MRPS28: variants seen among roughly 807,000 people sequenced by gnomAD.
MRPS28 encodes the protein mitochondrial ribosomal protein S28, also known as small ribosomal subunit protein bS1m.
A neutral mutation model predicts 10.8 loss-of-function variants in MRPS28; 7 were observed. That is an observed-to-expected ratio of 0.65 (90% CI 0.37 to 1.22). MRPS28 has a LOEUF of 1.22. Ranked by LOEUF, MRPS28 falls within the 50% of genes most tolerant of loss-of-function variation. The pLI is 0.02. For missense variants in MRPS28, 265 were observed against 232.9 expected, an observed-to-expected ratio of 1.14 and a Z score of -0.90; for synonymous variants, 121 against 93.3, an observed-to-expected ratio of 1.30 and a Z score of -1.71.
intron 2 of MRPS28, chr8:79,958,448 G>A (rs192532636): frequency 1.0e-4 from 66 of 651,940 alleles, no homozygotes; most frequent in Middle Eastern, 4.8e-4. Context: ...GAGTGAAGGA[G>A]AAAATGTTGA....
intron 1 of MRPS28, among the ~76,000 whole-genome samples, chr8:80,011,116 CTTTTT>C (rs902991084): frequency 1.4e-4 from 20 of 146,392 alleles, no homozygotes; most frequent in African/African-American, 5.1e-4. Context: ...GTAAGCCATT[CTTTTT>C]TTTTTATTTT....
chr8:79,949,047 G>C (rs371736439), intron 2 of MRPS28, among the ~76,000 whole-genome samples: 17 of 152,120 alleles, frequency 1.1e-4, no homozygotes, highest in Admixed American at 5.2e-4. Flanking sequence ...ATTATTCATA[G>C]AGTAAAAAAT....
At chr8:80,009,083 T>C (rs1008344604) in intron 1 of MRPS28, among the ~76,000 whole-genome samples, 6 of 152,090 alleles carry the variant, frequency 3.9e-5, no homozygotes, top group African/African-American at 7.2e-5. Flanking sequence ...CACCATGGAA[T>C]ACTATGCAGC....
At chr8:79,927,263 T>C (rs1810254266) in intron 2 of MRPS28, among the ~76,000 whole-genome samples, 1 of 152,192 alleles carries the variant, frequency 6.6e-6, no homozygotes. Flanking sequence ...CCAAAAGACG[T>C]AAGATTTTCA....
At chr8:79,964,410 A>G (rs1358367131) in intron 2 of MRPS28, among the ~76,000 whole-genome samples, 2 of 152,132 alleles carry the variant, frequency 1.3e-5, no homozygotes, top group Non-Finnish European at 2.9e-5. Context: ...CTGGCTTAAA[A>G]TGGTTTGCTT....
At chr8:80,008,106 A>C (rs1808913707) in intron 1 of MRPS28, among the ~76,000 whole-genome samples, 1 of 152,222 alleles carries the variant, frequency 6.6e-6, no homozygotes, top group Non-Finnish European at 1.5e-5. Context: ...TGGAGCCCTC[A>C]GAAATAAAGC....
chr8:79,964,436 A>C (rs1422434078), intron 2 of MRPS28, among the ~76,000 whole-genome samples: 1 of 152,212 alleles, frequency 6.6e-6, no homozygotes, highest in African/African-American at 2.4e-5. Context: ...TGGCCAAAAA[A>C]CCTAGTTAGA....
intron 2 of MRPS28, among the ~76,000 whole-genome samples, chr8:79,965,403 C>T (rs533065336): frequency 1.4e-4 from 22 of 152,148 alleles, no homozygotes; most frequent in Non-Finnish European, 3.1e-4. Flanking sequence ...CTAAGTAGTA[C>T]TATCCTTATT....
chr8:79,987,026 T>C (rs1310190336), intron 2 of MRPS28, among the ~76,000 whole-genome samples: 4 of 151,874 alleles, frequency 2.6e-5, no homozygotes, highest in African/African-American at 7.3e-5. Context: ...CTTCAAACTA[T>C]ACTACAAGGC....
intron 2 of MRPS28, among the ~76,000 whole-genome samples, chr8:79,945,127 T>G (rs1806874787): frequency 6.6e-6 from 1 of 152,148 alleles, no homozygotes. Flanking sequence ...ACATAAAACC[T>G]AAGTTTCAAT....
intron 2 of MRPS28, among the ~76,000 whole-genome samples, chr8:79,966,086 C>T (rs1807496382): frequency 6.6e-6 from 1 of 151,768 alleles, no homozygotes; most frequent in Non-Finnish European, 1.5e-5. Flanking sequence ...AAGAAAGAAA[C>T]ATAATGGTTA....
intron 1 of MRPS28, among the ~76,000 whole-genome samples, chr8:80,024,049 C>T (rs1050466013): frequency 8.5e-5 from 13 of 152,076 alleles, no homozygotes; most frequent in Admixed American, 3.3e-4. Context: ...GGCAATATGG[C>T]AAAACCCCAT....
At chr8:79,923,830 C>G (rs185667405) in intron 2 of MRPS28, among the ~76,000 whole-genome samples, 2 of 152,144 alleles carry the variant, frequency 1.3e-5, no homozygotes, top group African/African-American at 4.8e-5. Context: ...CTGCAGTAAA[C>G]GAGACTGCAT....
intron 2 of MRPS28, among the ~76,000 whole-genome samples, chr8:79,964,708 G>A (rs1807460523): frequency 1.3e-5 from 2 of 151,936 alleles, no homozygotes; most frequent in Non-Finnish European, 2.9e-5. Flanking sequence ...TACTTCATTG[G>A]AGGCTGTGAA....
At chr8:79,949,465 G>A (rs910694901) in intron 2 of MRPS28, among the ~76,000 whole-genome samples, 7 of 151,664 alleles carry the variant, frequency 4.6e-5, no homozygotes, top group Non-Finnish European at 1.0e-4. Context: ...CTGCTTTTGG[G>A]CGAAGCCTAG....
At chr8:79,935,831 G>A (rs984202227) in intron 2 of MRPS28, among the ~76,000 whole-genome samples, 1 of 151,850 alleles carries the variant, frequency 6.6e-6, no homozygotes, top group Non-Finnish European at 1.5e-5. Flanking sequence ...GACTTTTCTG[G>A]TATGTTTGCT....
chr8:79,951,712 T>C (rs1266873785), intron 2 of MRPS28, among the ~76,000 whole-genome samples: 1 of 152,210 alleles, frequency 6.6e-6, no homozygotes, highest in Non-Finnish European at 1.5e-5. Flanking sequence ...AGAATTTTCT[T>C]ACTCTTAAAA....
chr8:79,963,009 A>G (rs904985420), intron 2 of MRPS28, among the ~76,000 whole-genome samples: 2 of 152,144 alleles, frequency 1.3e-5, no homozygotes, highest in Non-Finnish European at 2.9e-5. Context: ...GCATTGGAAG[A>G]GCATGGCAAT....
At chr8:79,985,087 A>G (rs1563534040) in intron 2 of MRPS28, among the ~76,000 whole-genome samples, 1 of 152,252 alleles carries the variant, frequency 6.6e-6, no homozygotes, top group African/African-American at 2.4e-5. Flanking sequence ...CTCAGACCAC[A>G]GTGCAATCAA....
Sources: gnomAD v4.1 joint callset for allele counts (sites outside exome capture counted in the v4.1 genomes callset) on GRCh38, gnomAD v4.1.1 for gene constraint, MANE v1.5 for transcripts, NCBI Gene and HGNC (gene_info 2026-07-23, HGNC 2026-07-21) for gene names.